Variants in SLC2A13 observed in about 807,000 individuals in gnomAD.
The protein encoded by SLC2A13 is proton myo-inositol cotransporter.
In SLC2A13, 32 loss-of-function variants were observed where a neutral mutation model predicts 64.4. The observed-to-expected ratio is 0.50, with a 90% CI of 0.37 to 0.67. SLC2A13 has a LOEUF of 0.67. SLC2A13 is among the 30% of genes least tolerant of loss of function. The pLI is 0.00. For missense variants in SLC2A13, 743 were observed against 829.2 expected, an observed-to-expected ratio of 0.90 and a Z score of 1.28; for synonymous variants, 338 against 327.1, an observed-to-expected ratio of 1.03 and a Z score of -0.36.
At chr12:39,890,089 A>G (rs2135977677) in intron 4 of SLC2A13, among the ~76,000 whole-genome samples, 1 of 152,294 alleles carries the variant, frequency 6.6e-6, no homozygotes, top group East Asian at 1.9e-4. Flanking sequence ...CACCAATTTT[A>G]AGTAATACCA....
intron 7 of SLC2A13, among the ~76,000 whole-genome samples, chr12:39,766,186 C>A (rs1034378221): frequency 2.0e-5 from 3 of 152,038 alleles, no homozygotes; most frequent in Non-Finnish European, 4.4e-5. Context: ...TTGGATTATC[C>A]TTTCAGTATT....
chr12:39,940,411 T>C (rs1355877765), intron 4 of SLC2A13, among the ~76,000 whole-genome samples: 1 of 145,864 alleles, frequency 6.9e-6, no homozygotes, highest in East Asian at 2.0e-4. Context: ...TGCGTGGTAA[T>C]TTTTTTTTTT....
intron 4 of SLC2A13, among the ~76,000 whole-genome samples, chr12:39,898,052 T>C (rs931047208): frequency 6.6e-6 from 1 of 152,102 alleles, no homozygotes; most frequent in Admixed American, 6.6e-5. Context: ...TAGTACATCA[T>C]TATATTGAGG....
At chr12:39,895,809 T>TACGTACACACATGTATATGCGTGTAC (rs1944784362) in intron 4 of SLC2A13, among the ~76,000 whole-genome samples, 1 of 93,016 alleles carries the variant, frequency 1.1e-5, no homozygotes, top group African/African-American at 4.5e-5. Flanking sequence ...TATGCGTGTA[T>TACGTACACACATGTATATGCGTGTAC]ACGTACACAC....
At chr12:39,975,688 T>G (rs1174960940) in intron 3 of SLC2A13, among the ~76,000 whole-genome samples, 4 of 152,226 alleles carry the variant, frequency 2.6e-5, no homozygotes, top group Non-Finnish European at 5.9e-5. Flanking sequence ...GAGGAAGATT[T>G]ATTTATTTGA....
At chr12:39,782,209 G>A (rs935151547) in intron 7 of SLC2A13, among the ~76,000 whole-genome samples, 2 of 152,118 alleles carry the variant, frequency 1.3e-5, no homozygotes, top group African/African-American at 4.8e-5. Flanking sequence ...AAACCTTTGT[G>A]TTTACCTTGT....
chr12:40,086,071 T>C (rs1938579317), intron 1 of SLC2A13, among the ~76,000 whole-genome samples: 1 of 152,154 alleles, frequency 6.6e-6, no homozygotes, highest in South Asian at 2.1e-4. Flanking sequence ...ACTCCTGACC[T>C]CGTGATCCAC....
intron 3 of SLC2A13, among the ~76,000 whole-genome samples, chr12:39,980,316 C>T (rs1946864834): frequency 6.6e-6 from 1 of 151,946 alleles, no homozygotes; most frequent in African/African-American, 2.4e-5. Flanking sequence ...CAAATTCACA[C>T]ATAACAATAT....
chr12:39,843,250 A>G (rs1302500675), intron 6 of SLC2A13, among the ~76,000 whole-genome samples: 1 of 152,020 alleles, frequency 6.6e-6, no homozygotes, highest in Admixed American at 6.6e-5. Context: ...GACCAATGAT[A>G]CTGGTACAGA....
At chr12:40,084,497 T>C (rs1938526599) in intron 1 of SLC2A13, among the ~76,000 whole-genome samples, 1 of 152,210 alleles carries the variant, frequency 6.6e-6, no homozygotes, top group Non-Finnish European at 1.5e-5. Context: ...CTGGCTCAAA[T>C]AACAAAATTC....
intron 4 of SLC2A13, among the ~76,000 whole-genome samples, chr12:39,910,697 T>G (rs1945408483): frequency 6.6e-6 from 1 of 152,114 alleles, no homozygotes; most frequent in Admixed American, 6.5e-5. Flanking sequence ...AAGCATTCCC[T>G]ACTACAACCA....
At chr12:39,803,839 T>G (rs1205570504) in intron 7 of SLC2A13, among the ~76,000 whole-genome samples, 2 of 152,118 alleles carry the variant, frequency 1.3e-5, no homozygotes, top group Non-Finnish European at 2.9e-5. Context: ...TGGCTGAGAA[T>G]TTTTCATAAC....
intron 3 of SLC2A13, among the ~76,000 whole-genome samples, chr12:39,960,502 C>A (rs1359113989): frequency 6.6e-6 from 1 of 152,060 alleles, no homozygotes; most frequent in Non-Finnish European, 1.5e-5. Flanking sequence ...GCCTCGGCCT[C>A]CTGAGTAGCT....
chr12:39,862,613 T>A (rs886888406), intron 6 of SLC2A13, among the ~76,000 whole-genome samples: 2 of 152,230 alleles, frequency 1.3e-5, no homozygotes, highest in African/African-American at 4.8e-5. Context: ...AAGCATACTA[T>A]CTACATTTAC....
chr12:40,051,171 G>A (rs779216232), intron 1 of SLC2A13, among the ~76,000 whole-genome samples: 4 of 152,074 alleles, frequency 2.6e-5, no homozygotes, highest in Non-Finnish European at 5.9e-5. Flanking sequence ...ACATGGTAAG[G>A]GTCATAATAA....
intron 4 of SLC2A13, among the ~76,000 whole-genome samples, chr12:39,906,510 G>C (rs567146117): frequency 6.6e-6 from 1 of 151,834 alleles, no homozygotes; most frequent in Non-Finnish European, 1.5e-5. Context: ...TATGAAACTT[G>C]AAAAAAACAG....
chr12:40,105,157 C>A lies in SLC2A13; in HGVS notation c.556+96G>T, dbSNP rs561721323. On this transcript the variant is annotated intron_variant, in intron 1 of 9. Coordinates refer to ENST00000280871, the MANE Select transcript of SLC2A13 (RefSeq NM_052885.4). This position sits in a 1 kb window ranked among gnomAD's most constrained non-coding sequence, Gnocchi z 4.2. ...GGAGGATTCTCTGACCCTGGGAGAC[C>A]AGACGGGGACCCCGATGGGCAAGAG... 1.1e-5 allele frequency: 15 copies of A among 1,419,744 alleles called. No individual in the cohort carries two copies. Among genetic ancestry groups the A allele is most frequent in the Non-Finnish European group, 1.4e-5 (15 of 1,093,500 alleles). 87.9% of individuals were successfully genotyped at this position (1,419,744 alleles called of 1,614,324 possible).
intron 1 of SLC2A13, among the ~76,000 whole-genome samples, chr12:40,086,573 T>C (rs931956926): frequency 9.2e-5 from 14 of 152,178 alleles, no homozygotes; most frequent in African/African-American, 3.1e-4. Context: ...ATTGGTTAAA[T>C]ACACCACATG....
chr12:39,906,341 C>T (rs1945281015), intron 4 of SLC2A13, among the ~76,000 whole-genome samples: 2 of 152,074 alleles, frequency 1.3e-5, no homozygotes, highest in Non-Finnish European at 2.9e-5. Context: ...AGAAGTCAGT[C>T]ATTGTCAGTC....
Sources: allele counts gnomAD v4.1 joint callset (sites outside exome capture counted in the v4.1 genomes callset), GRCh38; gene constraint gnomAD v4.1.1; non-coding constraint Gnocchi (gnomAD v3.1); transcripts MANE v1.5; gene names NCBI Gene and HGNC (gene_info 2026-07-23, HGNC 2026-07-21).